KAZN: variants seen among roughly 807,000 people sequenced by gnomAD.
The protein encoded by KAZN is kazrin, periplakin interacting protein, also known as kazrin.
In KAZN, 40 loss-of-function variants were observed where a neutral mutation model predicts 87.4. The ratio of observed to expected loss-of-function variants is 0.46; its 90% CI spans 0.36 to 0.60. The LOEUF is 0.60. Ranked by LOEUF, KAZN falls within the 20% of genes least tolerant of loss-of-function variation. The pLI, the probability that KAZN is intolerant of heterozygous loss-of-function variation, is 0.00. For synonymous variants in KAZN, 466 were observed against 458.3 expected (o/e 1.02, Z -0.22); for missense variants, 898 against 1,073.9 (o/e 0.84, Z 2.29).
chr1:14,411,592 G>A (rs550419227), intron 2 of KAZN, among the ~76,000 whole-genome samples: 1 of 152,302 alleles, frequency 6.6e-6, no homozygotes, highest in South Asian at 2.1e-4. Flanking sequence ...GAGCCACCGC[G>A]CTCCCCTGGC....
At position 15,066,848 on chromosome 1, in the gene KAZN, C is replaced by CA; in HGVS notation, c.1222+1096dup. The CA allele has an allele frequency of 1.0e-6, 1 of 985,500 alleles. No individual in the cohort carries two copies. The highest frequency in any genetic ancestry group is 1.2e-6 in the Non-Finnish European group (1 of 829,970). 61.0% of individuals were successfully genotyped at this position (985,500 alleles called of 1,614,324 possible). A position where few individuals can be genotyped will look rare whatever the true frequency, so the allele number is the denominator to read the frequency against. On this transcript the variant is annotated intron_variant, in intron 8 of 14. Coordinates refer to ENST00000376030, the MANE Select transcript of KAZN (RefSeq NM_201628.3). The surrounding 1 kb of genome is among the most constrained non-coding windows in gnomAD (Gnocchi z 4.3). Reference sequence around the variant, plus strand: ...TGTCTCTCCCATTCTCCTGCCCATGCATGAAAGGATCCTCCACCTTCTTCC... The same window carrying CA: ...TGTCTCTCCCATTCTCCTGCCCATGCAATGAAAGGATCCTCCACCTTCTTCC...
chr1:15,037,469 A>G (rs188145670), intron 3 of KAZN, among the ~76,000 whole-genome samples: 142 of 152,340 alleles, frequency 9.3e-4, no homozygotes, highest in African/African-American at 3.2e-3. Flanking sequence ...CCCCGGTCTC[A>G]GCCTTCACAT....
At chr1:14,986,520 C>T (rs527470807) in intron 2 of KAZN, among the ~76,000 whole-genome samples, 26 of 152,272 alleles carry the variant, frequency 1.7e-4, no homozygotes, top group Admixed American at 3.9e-4. Flanking sequence ...TTGGTTGGTG[C>T]TTTCCAAGCA....
At chr1:14,240,046 T>C (rs1436361180) in intron 2 of KAZN, among the ~76,000 whole-genome samples, 1 of 152,212 alleles carries the variant, frequency 6.6e-6, no homozygotes, top group East Asian at 1.9e-4. Flanking sequence ...GGCAAAGGCC[T>C]TGACTGTCTA....
At chr1:14,278,398 C>T (rs888033235) in intron 2 of KAZN, among the ~76,000 whole-genome samples, 1 of 149,776 alleles carries the variant, frequency 6.7e-6, no homozygotes, top group Non-Finnish European at 1.5e-5. Flanking sequence ...TCAAGCGATT[C>T]GCCAGCCTCA....
intron 8 of KAZN, among the ~76,000 whole-genome samples, chr1:15,075,778 A>G (rs1450313525): frequency 6.6e-6 from 1 of 152,206 alleles, no homozygotes; most frequent in Non-Finnish European, 1.5e-5. Context: ...TGGCTTGGAA[A>G]TGCCGGTCCC....
intron 1 of KAZN, among the ~76,000 whole-genome samples, chr1:13,977,357 A>G (rs72640516): frequency 0.02 from 2,991 of 152,328 alleles, 45 homozygotes; most frequent in Admixed American, 0.032. Flanking sequence ...AATGAGGATA[A>G]TTTTACTTAT....
chr1:14,008,207 T>C (rs745334942), intron 1 of KAZN, among the ~76,000 whole-genome samples: 2 of 152,194 alleles, frequency 1.3e-5, no homozygotes, highest in Admixed American at 6.5e-5. Flanking sequence ...TAAATGCATC[T>C]GGGGATAAAA....
At chr1:14,528,390 A>G (rs1351229301) in intron 2 of KAZN, among the ~76,000 whole-genome samples, 1 of 150,704 alleles carries the variant, frequency 6.6e-6, no homozygotes, top group East Asian at 2.0e-4. Flanking sequence ...TTATTTTCAC[A>G]TTTACTGAGA....
chr1:14,051,492 TCATGCA>T (rs1432810443), intron 1 of KAZN, among the ~76,000 whole-genome samples: 6 of 152,194 alleles, frequency 3.9e-5, no homozygotes, highest in African/African-American at 1.2e-4. Flanking sequence ...TATGTTTGCA[TCATGCA>T]CTGCAAGGTA....
Position 14,211,919 on chromosome 1 carries a change from C to T in KAZN, c.249+31327C>T, listed in dbSNP as rs1390547499. Among the ~76,000 whole-genome samples, 3 of 151,948 alleles carry T rather than the reference C, an allele frequency of 2.0e-5. No homozygotes were observed. In the East Asian group the frequency reaches 5.8e-4, roughly 29 times the overall value. On this transcript the variant is annotated intron_variant, in intron 2 of 16. Coordinates refer to the KAZN transcript ENST00000636203. ...CTCCTTGGTGCCATAGCCCCTTCACCCCGTTAATTTTGTCCTATCCCCCAG... is the reference window on the plus strand; with the variant it reads ...CTCCTTGGTGCCATAGCCCCTTCACTCCGTTAATTTTGTCCTATCCCCCAG...
intron 1 of KAZN, among the ~76,000 whole-genome samples, chr1:14,910,509 C>G (rs1657138202): frequency 6.6e-6 from 1 of 152,142 alleles, no homozygotes; most frequent in Admixed American, 6.5e-5. Context: ...CCCCACCTCC[C>G]CAGTGTGACC....
chr1:15,055,248 A>C (rs1674825683), intron 4 of KAZN, among the ~76,000 whole-genome samples: 1 of 152,196 alleles, frequency 6.6e-6, no homozygotes, highest in Admixed American at 6.5e-5. Flanking sequence ...AGGCCGAGGC[A>C]GGTGGATCAC....
intron 2 of KAZN, among the ~76,000 whole-genome samples, chr1:14,370,307 G>A (rs1571422118): frequency 6.6e-6 from 1 of 152,268 alleles, no homozygotes; most frequent in East Asian, 1.9e-4. Flanking sequence ...TCCTTCAGGA[G>A]GCCCAGGCAC....
chr1:14,898,575 G>A (rs1484699993), intron 1 of KAZN, among the ~76,000 whole-genome samples: 1 of 152,120 alleles, frequency 6.6e-6, no homozygotes, highest in Non-Finnish European at 1.5e-5. Context: ...GCAATTTCAG[G>A]CCCAAATCAG....
intron 1 of KAZN, among the ~76,000 whole-genome samples, chr1:13,934,277 A>G (rs1010734228): frequency 2.0e-5 from 3 of 152,128 alleles, no homozygotes; most frequent in African/African-American, 7.2e-5. Context: ...ATTTTCTGTG[A>G]GCCTCCATTG....
intron 1 of KAZN, among the ~76,000 whole-genome samples, chr1:13,994,334 A>G (rs998813666): frequency 2.0e-5 from 3 of 152,218 alleles, no homozygotes; most frequent in Non-Finnish European, 4.4e-5. Context: ...GGGACCAGAA[A>G]AGTAGAGAAT....
intron 1 of KAZN, among the ~76,000 whole-genome samples, chr1:13,972,431 G>A (rs1012855974): frequency 6.6e-6 from 1 of 152,092 alleles, no homozygotes; most frequent in Non-Finnish European, 1.5e-5. Context: ...CTTGTGGGAT[G>A]GAAAGGAGTT....
chr1:14,276,538 T>C (rs1026941210), intron 2 of KAZN, among the ~76,000 whole-genome samples: 1 of 151,972 alleles, frequency 6.6e-6, no homozygotes, highest in Non-Finnish European at 1.5e-5. Flanking sequence ...TGGAGAAGAC[T>C]CTGTTCCAGG....
Sources: gnomAD v4.1 joint callset for allele counts (sites outside exome capture counted in the v4.1 genomes callset) on GRCh38, gnomAD v4.1.1 for gene constraint, Gnocchi (gnomAD v3.1) non-coding constraint, MANE v1.5 for transcripts, NCBI Gene and HGNC (gene_info 2026-07-23, HGNC 2026-07-21) for gene names.